DNM2: variants seen among roughly 807,000 people sequenced by gnomAD.
The protein encoded by DNM2 is dynamin 2.
DNM2 carries 15 observed loss-of-function variants against 99.0 expected under a neutral mutation model. That is an observed-to-expected ratio of 0.15 (90% confidence interval 0.10 to 0.23). DNM2 has a LOEUF of 0.23. Ranked by LOEUF, DNM2 falls within the 10% of genes least tolerant of loss-of-function variation. DNM2 has a pLI of 1.00. For synonymous variants in DNM2, 525 were observed against 481.2 expected, an observed-to-expected ratio of 1.09 and a Z score of -1.19; for missense variants, 742 against 1,189.4, an observed-to-expected ratio of 0.62 and a Z score of 5.53.
intron 1 of DNM2, among the ~76,000 whole-genome samples, chr19:10,731,564 G>A (rs1336871773): frequency 6.6e-6 from 1 of 152,152 alleles, no homozygotes; most frequent in Non-Finnish European, 1.5e-5. Flanking sequence ...ATGTTGGCCA[G>A]GCTGGTCTCG....
At chr19:10,732,492 C>T (rs1413860308) in intron 1 of DNM2, among the ~76,000 whole-genome samples, 1 of 151,472 alleles carries the variant, frequency 6.6e-6, no homozygotes. Flanking sequence ...CCCAGCTACT[C>T]GGGAGGCTGA....
At chr19:10,824,921 T>C in intron 17 of DNM2, 136 bp from the exon 18 acceptor site, 1 of 1,415,478 alleles carries the variant, frequency 7.1e-7, no homozygotes, top group Non-Finnish European at 9.9e-7. Context: ...CAAGCAGGCC[T>C]ATCTGGTGCC....
At position 10,831,027 on chromosome 19, in the gene DNM2, G is replaced by C. The variant is rs746818628; in HGVS notation, c.2593G>C (p.Glu865Gln). 2 of 1,610,586 alleles carry C rather than the reference G, an allele frequency of 1.2e-6. No homozygotes were observed. Among genetic ancestry groups the C allele is most frequent in the East Asian group, 4.5e-5 (2 of 44,698 alleles). ...CCGGCCCACCATTATCCGCCCAGCC[G>C]AGCCATCCCTGCTCGACTAGGCCTC... is the stretch of plus-strand genomic sequence containing the variant. ...PSRPTIIRPA[E>Q]PSLLD is the part of the protein sequence containing the mutation. The change falls in exon 21 of 21, where the codon GAG (glutamate) becomes CAG (glutamine). Residue 865 changes from glutamate to glutamine, a missense_variant. By Grantham distance (29) the Glu-to-Gln change is conservative (BLOSUM62 2). Around this residue, in one of 7 missense-constraint regions of DNM2, gnomAD observed 187 missense variants for 218.8 expected, o/e 0.85. Coordinates refer to ENST00000389253, the MANE Select transcript of DNM2 (RefSeq NM_001005361.3). This position sits in a 1 kb window ranked among gnomAD's most constrained non-coding sequence, Gnocchi z 4.3.
intron 2 of DNM2, among the ~76,000 whole-genome samples, chr19:10,761,743 G>C (rs1479640238): frequency 1.3e-5 from 2 of 152,160 alleles, no homozygotes; most frequent in Admixed American, 6.5e-5. Context: ...CTCAACGCCA[G>C]CTCTCAGCTT....
At chr19:10,758,870 A>G (rs1331161534) in intron 1 of DNM2, among the ~76,000 whole-genome samples, 1 of 152,110 alleles carries the variant, frequency 6.6e-6, no homozygotes, top group African/African-American at 2.4e-5. Flanking sequence ...TTTCTTAAAC[A>G]GCTCTGTCGA....
chr19:10,783,155 A>T, intron 6 of DNM2, 35 bp downstream of exon 6: 2 of 1,604,100 alleles, frequency 1.2e-6, no homozygotes, highest in Non-Finnish European at 1.7e-6. Context: ...GTGCAGTGGC[A>T]TAGGCTGTGC....
chr19:10,798,383 A>G (rs1268209171), intron 10 of DNM2, 103 bp from the exon 11 acceptor site: 2 of 590,870 alleles, frequency 3.4e-6, no homozygotes, highest in South Asian at 4.9e-5. Flanking sequence ...GCCCCCTCAT[A>G]TCTCATTCCC....
At chr19:10,823,259 GCC>G in intron 16 of DNM2, 1 of 147,956 alleles carries the variant, frequency 6.8e-6, no homozygotes, top group South Asian at 2.2e-4. Context: ...ACTAAAATTA[GCC>G]AGGTGTGGTG....
chr19:10,762,763 G>T (rs1433105327), intron 2 of DNM2, among the ~76,000 whole-genome samples: 1 of 152,202 alleles, frequency 6.6e-6, no homozygotes, highest in Non-Finnish European at 1.5e-5. Context: ...CCTCTTGGGG[G>T]AATGTGGCCT....
At chr19:10,739,861 C>CAAAA (rs59755624) in intron 1 of DNM2, among the ~76,000 whole-genome samples, 3 of 32,638 alleles carry the variant, frequency 9.2e-5, no homozygotes, top group African/African-American at 2.3e-4. Context: ...CTCTCTCTCT[C>CAAAA]AAAAAAAAAA....
At chr19:10,809,937 C>G (rs1024040349) in intron 14 of DNM2, 1 of 152,496 alleles carries the variant, frequency 6.6e-6, no homozygotes, top group African/African-American at 2.4e-5. Flanking sequence ...CATGTGTTCC[C>G]CCCAGTCCCT....
At chr19:10,808,035 C>T (rs916138441) in intron 13 of DNM2, among the ~76,000 whole-genome samples, 2 of 151,456 alleles carry the variant, frequency 1.3e-5, no homozygotes, top group Non-Finnish European at 2.9e-5. Flanking sequence ...TCCACCTACT[C>T]GGGAGGTTGA....
In DNM2 at chr19:10,782,888, C is replaced by T. The variant is rs1028585341; in HGVS notation, c.689-72C>T. On this transcript the variant is annotated intron_variant, in intron 5 of 20. Transcript: ENST00000389253. ...ACAGGATCCATCTCTATACTTGAATCTTGCCCATCCCCGTGCCAGGTCCAC... is the reference window on the plus strand; with the variant it reads ...ACAGGATCCATCTCTATACTTGAATTTTGCCCATCCCCGTGCCAGGTCCAC... 5.0e-6 allele frequency: 8 copies of T among 1,605,346 alleles called. No homozygotes were observed. The African/African-American group carries it at 1.1e-4, about 21-fold the overall frequency.
chr19:10,751,180 A>G (rs2070180877), intron 1 of DNM2, among the ~76,000 whole-genome samples: 1 of 152,068 alleles, frequency 6.6e-6, no homozygotes, highest in African/African-American at 2.4e-5. Flanking sequence ...AGGAAATGTC[A>G]TTCGAGCGGA....
At chr19:10,741,896 C>T (rs1385975746) in intron 1 of DNM2, among the ~76,000 whole-genome samples, 1 of 122,884 alleles carries the variant, frequency 8.1e-6, no homozygotes, top group Non-Finnish European at 1.6e-5. Context: ...CTCCCTTCCT[C>T]TTTACCTTCC....
Position 10,817,819 on chromosome 19 carries a change from G to A in DNM2, c.1672-2161G>A, listed in dbSNP as rs1254373154. On this transcript the variant is annotated intron_variant, in intron 15 of 20. Coordinates refer to ENST00000389253, the MANE Select transcript of DNM2 (RefSeq NM_001005361.3). This position sits in a 1 kb window ranked among gnomAD's most constrained non-coding sequence, Gnocchi z 4.6. ...CACACACGTGTGTGTGTGTGTGTGC[G>A]CGCGCGCGCACGCGTGCGTGCCGGC... 2.2e-5 allele frequency among the ~76,000 whole-genome samples: 2 copies of A among 90,444 alleles called. No individual in the cohort carries two copies. Among genetic ancestry groups the A allele is most frequent in the Non-Finnish European group, 5.7e-5 (2 of 34,924 alleles). 59.3% of individuals were successfully genotyped at this position (90,444 alleles called of 152,430 possible).
rs2072807800 is a variant in DNM2 at position 10,817,791 on chromosome 19, G to A, written c.1672-2189G>A. Among the ~76,000 whole-genome samples, 1 of 143,528 alleles carries A rather than the reference G, an allele frequency of 7.0e-6. No individual in the cohort carries two copies. The highest frequency in any genetic ancestry group is 2.5e-5 in the African/African-American group (1 of 39,286). The allele number at this position is 143,528 out of a possible 152,430, so 94.2% of individuals were successfully genotyped here. On this transcript the variant is annotated intron_variant, in intron 15 of 20. Coordinates refer to ENST00000389253, the MANE Select transcript of DNM2 (RefSeq NM_001005361.3). This position sits in a 1 kb window ranked among gnomAD's most constrained non-coding sequence, Gnocchi z 4.6. ...GGGGTCGGGGGTGGGGAGGAGGGGC[G>A]CACACACACGTGTGTGTGTGTGTGT...
chr19:10,728,513 G>A (rs563501836), intron 1 of DNM2, among the ~76,000 whole-genome samples: 2 of 152,298 alleles, frequency 1.3e-5, no homozygotes, highest in African/African-American at 4.8e-5. Context: ...GAGGGAGTGA[G>A]CAACGCGTGG....
chr19:10,748,249 A>G (rs1411799674), intron 1 of DNM2, among the ~76,000 whole-genome samples: 2 of 152,172 alleles, frequency 1.3e-5, no homozygotes, highest in African/African-American at 4.8e-5. Flanking sequence ...GCACGACTGC[A>G]CTGGTGTAGG....
Sources: allele counts gnomAD v4.1 joint callset (sites outside exome capture counted in the v4.1 genomes callset), GRCh38; gene constraint gnomAD v4.1.1; regional missense constraint gnomAD v4.1.1; non-coding constraint Gnocchi (gnomAD v3.1); transcripts MANE v1.5; gene names NCBI Gene and HGNC (gene_info 2026-07-23, HGNC 2026-07-21).